EPS8: variants seen among roughly 807,000 people sequenced by gnomAD.
The protein encoded by EPS8 is EGFR pathway substrate 8, signaling adaptor, also known as epidermal growth factor receptor kinase substrate 8.
In EPS8, 42 loss-of-function variants were observed where a neutral mutation model predicts 103.8. That is an observed-to-expected ratio of 0.40 (90% CI 0.32 to 0.52). The LOEUF is 0.52. Ranked by LOEUF, EPS8 falls within the 20% of genes least tolerant of loss-of-function variation. The pLI, the probability that EPS8 is intolerant of heterozygous loss-of-function variation, is 0.40. For missense variants in EPS8, 969 were observed against 1,005.1 expected (o/e 0.96, Z 0.49); for synonymous variants, 344 against 344.6 (o/e 1.00, Z 0.02).
chr12:15,713,797 G>A lies in EPS8; in HGVS notation c.-21-30825C>T, dbSNP rs762101812. Reference sequence around the variant, plus strand: ...AGAAATTCACTCATAGTCATATTAAGACTTAAGAGAGCTTGTCTCTGAGAA... The same window carrying A: ...AGAAATTCACTCATAGTCATATTAAAACTTAAGAGAGCTTGTCTCTGAGAA... On this transcript the variant is annotated intron_variant, in intron 1 of 20. Transcript: ENST00000281172. The surrounding 1 kb of genome is among the most constrained non-coding windows in gnomAD (Gnocchi z 4.8). Among the ~76,000 whole-genome samples, 10 of 152,182 alleles carry A rather than the reference G, an allele frequency of 6.6e-5. No homozygotes were observed. The highest frequency in any genetic ancestry group is 1.5e-4 in the Non-Finnish European group (10 of 68,044).
rs548828413 is a variant in EPS8 at position 15,663,056 on chromosome 12, G to A, written c.737-957C>T. Among the ~76,000 whole-genome samples the A allele has an allele frequency of 4.6e-5, 7 of 151,270 alleles. No individual in the cohort carries two copies. In the East Asian group the frequency reaches 7.8e-4, roughly 17 times the overall value. On this transcript the variant is annotated intron_variant, in intron 8 of 20. Coordinates refer to ENST00000281172, the MANE Select transcript of EPS8 (RefSeq NM_004447.6). ...TCGTGTCTTATGAAACTTAATTAGCGGCTGTTAACTACTTTAAGATAATTA... is the reference window on the plus strand; with the variant it reads ...TCGTGTCTTATGAAACTTAATTAGCAGCTGTTAACTACTTTAAGATAATTA...
Position 15,637,272 on chromosome 12 carries a change from C to T in EPS8, c.1821+3431G>A, listed in dbSNP as rs567867577. Reference sequence around the variant, plus strand: ...CTCACCTCAAGTGATCTGCCTGCCTCGGCCTCCCAAAGTTCTGGGATTACA... The same window carrying T: ...CTCACCTCAAGTGATCTGCCTGCCTTGGCCTCCCAAAGTTCTGGGATTACA... On this transcript the variant is annotated intron_variant, in intron 17 of 20. Coordinates refer to ENST00000281172, the MANE Select transcript of EPS8 (RefSeq NM_004447.6). Among the ~76,000 whole-genome samples the T allele has an allele frequency of 1.2e-4, 18 of 152,344 alleles. No individual in the cohort carries two copies. In the South Asian group the frequency reaches 2.3e-3, roughly 19 times the overall value.
chr12:15,785,508 G>A lies in EPS8; in HGVS notation c.-22+3653C>T, dbSNP rs1322701298. On this transcript the variant is annotated intron_variant, in intron 1 of 20. Coordinates refer to ENST00000281172, the MANE Select transcript of EPS8 (RefSeq NM_004447.6). The surrounding 1 kb of genome is among the most constrained non-coding windows in gnomAD (Gnocchi z 4.9). ...CCTGTGGTAATGAATTAGCATTACA[G>A]ATAAAATGTAAATTCATAGTTAAAC... Among the ~76,000 whole-genome samples the A allele has an allele frequency of 1.3e-5, 2 of 152,126 alleles. No homozygotes were observed. The highest frequency in any genetic ancestry group is 4.8e-5 in the African/African-American group (2 of 41,448).
chr12:15,631,908 T>C (rs529709775), intron 17 of EPS8: 11 of 330,308 alleles, frequency 3.3e-5, no homozygotes, highest in African/African-American at 2.3e-4. Flanking sequence ...TAGCAAATAG[T>C]AGTATTATAG....
At chr12:15,651,156 C>T in intron 13 of EPS8, 150 bp from the exon 14 acceptor site, 1 of 559,232 alleles carries the variant, frequency 1.8e-6, no homozygotes, top group Non-Finnish European at 3.0e-6. Flanking sequence ...GTCTTCCATC[C>T]ACCCAAAAAG....
At chr12:15,756,796 A>T (rs908090918) in intron 1 of EPS8, among the ~76,000 whole-genome samples, 1 of 152,206 alleles carries the variant, frequency 6.6e-6, no homozygotes, top group Non-Finnish European at 1.5e-5. Flanking sequence ...CTTCAGAAAA[A>T]GATACAGTCA....
chr12:15,661,539 A>G (rs1241769980), intron 9 of EPS8, among the ~76,000 whole-genome samples: 3 of 152,172 alleles, frequency 2.0e-5, no homozygotes, highest in African/African-American at 7.2e-5. Flanking sequence ...CAGCATTCTC[A>G]TTCTGTAAAT....
chr12:15,660,047 A>G (rs773834163), intron 10 of EPS8, among the ~76,000 whole-genome samples: 6 of 152,208 alleles, frequency 3.9e-5, no homozygotes, highest in Non-Finnish European at 7.3e-5. Context: ...AAAACTACAG[A>G]TAGATGGTCA....
At chr12:15,681,655 G>A (rs747871685) in intron 2 of EPS8, among the ~76,000 whole-genome samples, 13 of 150,030 alleles carry the variant, frequency 8.7e-5, no homozygotes, top group South Asian at 2.1e-4. Flanking sequence ...GCATGAACCC[G>A]GGAGGTGGAG....
At chr12:15,663,116 C>G (rs1451262407) in intron 8 of EPS8, among the ~76,000 whole-genome samples, 1 of 151,932 alleles carries the variant, frequency 6.6e-6, no homozygotes, top group Non-Finnish European at 1.5e-5. Context: ...CAGTTAGCTA[C>G]TATTTTACAC....
chr12:15,675,565 C>T (rs1347527576), intron 3 of EPS8, among the ~76,000 whole-genome samples: 2 of 152,176 alleles, frequency 1.3e-5, no homozygotes, highest in African/African-American at 4.8e-5. Flanking sequence ...TGCCACGGCA[C>T]TCCAGCCTGG....
intron 3 of EPS8, among the ~76,000 whole-genome samples, chr12:15,673,921 A>C (rs549074394): frequency 6.6e-6 from 1 of 152,166 alleles, no homozygotes; most frequent in Non-Finnish European, 1.5e-5. Flanking sequence ...GTGTTTCACT[A>C]TTTTGTCTAT....
In EPS8 at chr12:15,697,140, A is replaced by G. The variant is rs557819074; in HGVS notation, c.-21-14168T>C. Among the ~76,000 whole-genome samples the G allele has an allele frequency of 6.6e-6, 1 of 152,212 alleles. No homozygotes were observed. The highest frequency in any genetic ancestry group is 2.4e-5 in the African/African-American group (1 of 41,524). On this transcript the variant is annotated intron_variant, in intron 1 of 20. Transcript: ENST00000281172. This position sits in a 1 kb window ranked among gnomAD's most constrained non-coding sequence, Gnocchi z 5.6. ...AGGGAAAACTTGAGGGACAAGCACA[A>G]ACTGATTTGGGAAAATGGCCTATAG... is the stretch of plus-strand genomic sequence containing the variant.
rs1410433386 is a variant in EPS8, at chr12:15,769,847, T to G, written c.-22+19314A>C. Among the ~76,000 whole-genome samples the G allele has an allele frequency of 4.6e-5, 7 of 152,222 alleles. No individual in the cohort carries two copies. The highest frequency in any genetic ancestry group is 4.6e-4 in the Admixed American group (7 of 15,280). On this transcript the variant is annotated intron_variant, in intron 1 of 20. Coordinates refer to ENST00000281172, the MANE Select transcript of EPS8 (RefSeq NM_004447.6). The surrounding 1 kb of genome is among the most constrained non-coding windows in gnomAD (Gnocchi z 4.6). Reference sequence around the variant, plus strand: ...GTTTTATTATTTCTCAGATGTATTCTGCAGTTATGCTGATTTTATTCTTAG... The same window carrying G: ...GTTTTATTATTTCTCAGATGTATTCGGCAGTTATGCTGATTTTATTCTTAG...
At chr12:15,774,575 T>TAC (rs1491203103) in intron 1 of EPS8, among the ~76,000 whole-genome samples, 5 of 146,414 alleles carry the variant, frequency 3.4e-5, no homozygotes, top group Non-Finnish European at 7.4e-5. Flanking sequence ...TATATATATA[T>TAC]ACACATATAA....
In EPS8 at chr12:15,682,233, T is replaced by C. The variant is rs143857671; in HGVS notation, c.59+660A>G. Reference sequence around the variant, plus strand: ...AGAATAGACGAATGACTGGAGAAGCTGTGGCAGATTGAGGGCTTTTAGCAT... The same window carrying C: ...AGAATAGACGAATGACTGGAGAAGCCGTGGCAGATTGAGGGCTTTTAGCAT... On this transcript the variant is annotated intron_variant, in intron 2 of 20. Transcript: ENST00000281172. 1.1e-4 allele frequency among the ~76,000 whole-genome samples: 16 copies of C among 152,320 alleles called. No individual in the cohort carries two copies. In the East Asian group the frequency reaches 3.1e-3, roughly 29 times the overall value.
At chr12:15,625,092 A>ACCTT (rs1206421683) in intron 18 of EPS8, among the ~76,000 whole-genome samples, 1 of 152,162 alleles carries the variant, frequency 6.6e-6, no homozygotes, top group Admixed American at 6.5e-5. Flanking sequence ...CCCAATCCTC[A>ACCTT]CCTTGAGCTG....
In EPS8 at chr12:15,785,928, T is replaced by C. The variant is rs1225819916; in HGVS notation, c.-22+3233A>G. 1.3e-5 allele frequency among the ~76,000 whole-genome samples: 2 copies of C among 151,584 alleles called. No homozygotes were observed. Among genetic ancestry groups the C allele is most frequent in the Non-Finnish European group, 2.9e-5 (2 of 67,842 alleles). On this transcript the variant is annotated intron_variant, in intron 1 of 20. Coordinates refer to ENST00000281172, the MANE Select transcript of EPS8 (RefSeq NM_004447.6). The surrounding 1 kb of genome is among the most constrained non-coding windows in gnomAD (Gnocchi z 4.9). ...ATAGATTTTATATTTATATAATATA[T>C]ATATATCCATGAGTCCAGAACAAAA...
In EPS8 at chr12:15,761,849, G is replaced by T. The variant is rs905149303; in HGVS notation, c.-22+27312C>A. 6.6e-6 allele frequency among the ~76,000 whole-genome samples: 1 copy of T among 152,018 alleles called. No individual in the cohort carries two copies. The highest frequency in any genetic ancestry group is 1.5e-5 in the Non-Finnish European group (1 of 67,980). The stretch of plus-strand genomic sequence containing the variant: ...TGAAACTACTACAAGAAAACATTGG[G>T]GAAACTCTCCAGGACACTGAACTAG... On this transcript the variant is annotated intron_variant, in intron 1 of 20. Transcript: ENST00000281172. The surrounding 1 kb of genome is among the most constrained non-coding windows in gnomAD (Gnocchi z 4.5).
Sources: gnomAD v4.1 joint callset for allele counts (sites outside exome capture counted in the v4.1 genomes callset) on GRCh38, gnomAD v4.1.1 for gene constraint, Gnocchi (gnomAD v3.1) non-coding constraint, MANE v1.5 for transcripts, NCBI Gene and HGNC (gene_info 2026-07-23, HGNC 2026-07-21) for gene names.